CRPPA: variants seen among roughly 807,000 people sequenced by gnomAD.
The protein encoded by CRPPA is D-ribitol-5-phosphate cytidylyltransferase.
CRPPA carries 43 observed loss-of-function variants against 52.0 expected under a neutral mutation model. The observed-to-expected ratio is 0.83, with a 90% CI of 0.65 to 1.07. The LOEUF (loss-of-function observed/expected upper bound fraction) is 1.07. Ranked by LOEUF, CRPPA falls within the 50% of genes least tolerant of loss-of-function variation. The probability of loss-of-function intolerance (pLI) is 0.00; values close to 1 mark genes in which losing one functional copy is unlikely to be tolerated. For missense variants in CRPPA, 629 were observed against 551.7 expected, an observed-to-expected ratio of 1.14 and a Z score of -1.40; for synonymous variants, 250 against 203.5, an observed-to-expected ratio of 1.23 and a Z score of -1.94.
intron 9 of CRPPA, among the ~76,000 whole-genome samples, chr7:16,203,053 G>C (rs1005045860): frequency 2.0e-5 from 3 of 152,130 alleles, no homozygotes; most frequent in Non-Finnish European, 4.4e-5. Context: ...AAATAACTAG[G>C]TTGGTAATAT....
intron 9 of CRPPA, among the ~76,000 whole-genome samples, chr7:16,112,272 G>A (rs564715263): frequency 7.9e-5 from 12 of 152,110 alleles, no homozygotes; most frequent in African/African-American, 2.9e-4. Context: ...CCGAGATTGT[G>A]CCACTGCACT....
rs760783203 is a variant in CRPPA, at chr7:16,089,243, CATAT to C, written c.*2448_*2451del. On this transcript the variant is annotated 3_prime_UTR_variant, in exon 10 of 10. Coordinates refer to ENST00000407010, the MANE Select transcript of CRPPA (RefSeq NM_001101426.4). ...ATATGTGTGTATGCGTACGTATATACATATATGTGTGTATGCGTACGTATATACA... is the reference window on the plus strand; with the variant it reads ...ATATGTGTGTATGCGTACGTATATACATGTGTGTATGCGTACGTATATACA... 2 of 371,354 alleles carry C rather than the reference CATAT, an allele frequency of 5.4e-6. No individual in the cohort carries two copies. Among genetic ancestry groups the C allele is most frequent in the Non-Finnish European group, 1.2e-5 (2 of 173,088 alleles). The allele number at this position is 371,354 out of a possible 1,614,324, so 23.0% of individuals were successfully genotyped here. A position where few individuals can be genotyped will look rare whatever the true frequency, so the allele number is the denominator to read the frequency against.
chr7:16,235,158 T>C (rs75942460), intron 8 of CRPPA, among the ~76,000 whole-genome samples: 3,627 of 152,068 alleles, frequency 0.024, 118 homozygotes, highest in African/African-American at 0.08. Flanking sequence ...TCACGGTGGC[T>C]ATGGTAAGCT....
intron 9 of CRPPA, among the ~76,000 whole-genome samples, chr7:16,177,453 G>A (rs979579122): frequency 6.6e-6 from 1 of 152,070 alleles, no homozygotes; most frequent in African/African-American, 2.4e-5. Flanking sequence ...AATCAAGGTT[G>A]CGGAGATCAG....
chr7:16,152,115 T>C (rs1783086930), intron 9 of CRPPA, among the ~76,000 whole-genome samples: 1 of 151,976 alleles, frequency 6.6e-6, no homozygotes, highest in African/African-American at 2.4e-5. Flanking sequence ...TCAATGTGAA[T>C]GTGGTAAATA....
At chr7:16,148,886 C>T (rs1343882001) in intron 9 of CRPPA, among the ~76,000 whole-genome samples, 2 of 152,114 alleles carry the variant, frequency 1.3e-5, no homozygotes, top group African/African-American at 4.8e-5. Context: ...CTGATTTTAT[C>T]TTTACACATT....
At chr7:16,233,932 T>C (rs1028343141) in intron 8 of CRPPA, among the ~76,000 whole-genome samples, 1 of 152,124 alleles carries the variant, frequency 6.6e-6, no homozygotes, top group African/African-American at 2.4e-5. Context: ...GCTGGGTCCG[T>C]TTAATTGAAA....
intron 3 of CRPPA, among the ~76,000 whole-genome samples, chr7:16,364,621 T>G (rs1441078849): frequency 1.3e-5 from 2 of 152,332 alleles, no homozygotes; most frequent in Middle Eastern, 3.4e-3. Flanking sequence ...TGTTCAATGA[T>G]GAACTAATGC....
At chr7:16,254,860 A>T (rs1783590896) in intron 8 of CRPPA, among the ~76,000 whole-genome samples, 1 of 151,808 alleles carries the variant, frequency 6.6e-6, no homozygotes, top group African/African-American at 2.4e-5. Flanking sequence ...AGAAGAAAGA[A>T]AGAAAGAAAG....
intron 2 of CRPPA, among the ~76,000 whole-genome samples, chr7:16,398,159 C>A (rs1283734771): frequency 2.0e-5 from 3 of 152,000 alleles, no homozygotes. Flanking sequence ...ATGTGAATGA[C>A]ACAATTGACA....
intron 3 of CRPPA, among the ~76,000 whole-genome samples, chr7:16,319,964 T>C (rs891504497): frequency 6.6e-6 from 1 of 152,178 alleles, no homozygotes; most frequent in African/African-American, 2.4e-5. Flanking sequence ...TCCTGGACTT[T>C]GAGAATTCTA....
At chr7:16,261,729 T>G (rs1323882240) in intron 6 of CRPPA, among the ~76,000 whole-genome samples, 1 of 152,096 alleles carries the variant, frequency 6.6e-6, no homozygotes, top group Admixed American at 6.6e-5. Context: ...TATTTTTAAT[T>G]GTTACATGTT....
At chr7:16,328,601 G>A (rs551803203) in intron 3 of CRPPA, among the ~76,000 whole-genome samples, 64 of 152,096 alleles carry the variant, frequency 4.2e-4, no homozygotes, top group African/African-American at 1.4e-3. Context: ...TGCAACCTCC[G>A]CCTCCCAGGT....
intron 9 of CRPPA, among the ~76,000 whole-genome samples, chr7:16,193,629 T>C (rs2058269): frequency 0.39 from 59,364 of 151,914 alleles, 12,543 homozygotes; most frequent in Admixed American, 0.51. Context: ...AATACTTAAG[T>C]ATAAATACCA....
Position 16,111,081 on chromosome 7 carries a change from A to T in CRPPA, c.1252-19282T>A, listed in dbSNP as rs1448378756. On this transcript the variant is annotated intron_variant, in intron 9 of 9. Transcript: ENST00000407010. ...TCAAACATTTCAATGGCAAGAAAAC[A>T]AAGCAAACAATTAAAAAAAAATTAA... is the stretch of plus-strand genomic sequence containing the variant. Among the ~76,000 whole-genome samples, 3 of 152,142 alleles carry T rather than the reference A, an allele frequency of 2.0e-5. No individual in the cohort carries two copies. In the East Asian group the frequency reaches 5.8e-4, roughly 29 times the overall value.
chr7:16,285,871 A>T (rs1488175912), intron 5 of CRPPA, among the ~76,000 whole-genome samples: 3 of 150,600 alleles, frequency 2.0e-5, no homozygotes, highest in Non-Finnish European at 4.4e-5. Flanking sequence ...CATACAAAAA[A>T]TTAGCTGGGC....
At chr7:16,152,435 A>G (rs1222004208) in intron 9 of CRPPA, among the ~76,000 whole-genome samples, 2 of 151,976 alleles carry the variant, frequency 1.3e-5, no homozygotes, top group African/African-American at 4.8e-5. Flanking sequence ...GAGGGTATAA[A>G]AATGTTATAT....
intron 8 of CRPPA, among the ~76,000 whole-genome samples, chr7:16,249,927 C>T (rs900933435): frequency 6.6e-6 from 1 of 152,166 alleles, no homozygotes; most frequent in African/African-American, 2.4e-5. Flanking sequence ...TCATAACAAA[C>T]TCCTCCGAGC....
chr7:16,283,978 T>A (rs1784371527), intron 5 of CRPPA, among the ~76,000 whole-genome samples: 2 of 152,058 alleles, frequency 1.3e-5, no homozygotes, highest in Non-Finnish European at 2.9e-5. Flanking sequence ...TTGGAACAGA[T>A]GCTGAAAGTA....
Sources: gnomAD v4.1 joint callset for allele counts (sites outside exome capture counted in the v4.1 genomes callset) on GRCh38, gnomAD v4.1.1 for gene constraint, MANE v1.5 for transcripts, NCBI Gene and HGNC (gene_info 2026-07-23, HGNC 2026-07-21) for gene names.